The following MEGF11 variants were observed in gnomAD, a reference collection of about 807,000 sequenced individuals.
MEGF11 encodes multiple EGF like domains 11, also known as multiple epidermal growth factor-like domains protein 11.
Under a neutral mutation model 146.6 loss-of-function variants are expected in MEGF11, and 126 were observed. The observed-to-expected ratio is 0.86, with a 90% confidence interval of 0.74 to 1.00. MEGF11 has a LOEUF of 1.00. Among genes scored for constraint, MEGF11 ranks in the 50% least tolerant of loss-of-function variants. The pLI is 0.00. For missense variants in MEGF11, 1,509 were observed against 1,521.2 expected, an observed-to-expected ratio of 0.99 and a Z score of 0.13; for synonymous variants, 532 against 583.4, an observed-to-expected ratio of 0.91 and a Z score of 1.27.
intron 5 of MEGF11, among the ~76,000 whole-genome samples, chr15:66,050,024 T>C (rs1377604658): frequency 6.6e-6 from 1 of 152,208 alleles, no homozygotes; most frequent in East Asian, 1.9e-4. Context: ...ACAAATCTAG[T>C]CTCTGCTCTC....
intron 5 of MEGF11, among the ~76,000 whole-genome samples, chr15:66,081,253 C>T (rs908064879): frequency 2.0e-5 from 3 of 152,208 alleles, no homozygotes; most frequent in Non-Finnish European, 2.9e-5. Context: ...GGGAGACATC[C>T]TCCATCAGGG....
chr15:66,106,178 G>T (rs1388036121), intron 4 of MEGF11, among the ~76,000 whole-genome samples: 2 of 152,240 alleles, frequency 1.3e-5, no homozygotes, highest in African/African-American at 4.8e-5. Flanking sequence ...GGAGAAAGGA[G>T]ATGGGAAACA....
intron 1 of MEGF11, among the ~76,000 whole-genome samples, chr15:66,168,186 C>A (rs1021166168): frequency 6.6e-6 from 1 of 152,060 alleles, no homozygotes; most frequent in Non-Finnish European, 1.5e-5. Context: ...ACATTCCAGC[C>A]ACCGTGGCCT....
At chr15:66,187,282 A>G (rs938789279) in intron 1 of MEGF11, among the ~76,000 whole-genome samples, 10 of 152,242 alleles carry the variant, frequency 6.6e-5, no homozygotes, top group African/African-American at 2.4e-4. Context: ...CACTGATGCC[A>G]GCTCCTTTGT....
At chr15:66,191,755 T>C (rs1376565828) in intron 1 of MEGF11, among the ~76,000 whole-genome samples, 1 of 152,128 alleles carries the variant, frequency 6.6e-6, no homozygotes, top group Non-Finnish European at 1.5e-5. Flanking sequence ...GGGACCCCAG[T>C]GGATGCCTGG....
At chr15:65,928,353 G>A (rs1472978607) in intron 13 of MEGF11, 72 bp downstream of exon 13, 5 of 962,566 alleles carry the variant, frequency 5.2e-6, no homozygotes, top group Non-Finnish European at 7.8e-6. Context: ...AGAAGAAAAC[G>A]GTCAAGAGAA....
At chr15:66,154,710 G>C (rs1455562606) in intron 1 of MEGF11, among the ~76,000 whole-genome samples, 1 of 152,214 alleles carries the variant, frequency 6.6e-6, no homozygotes, top group African/African-American at 2.4e-5. Flanking sequence ...ACACACCTGG[G>C]TGGTAGTCAA....
intron 10 of MEGF11, 45 bp from the exon 11 acceptor site, chr15:65,930,988 T>C: frequency 6.7e-7 from 1 of 1,502,814 alleles, no homozygotes; most frequent in Non-Finnish European, 9.0e-7. Context: ...TTGCTCCATG[T>C]TGGATGGCTG....
chr15:66,191,298 T>G (rs1277643898), intron 1 of MEGF11, among the ~76,000 whole-genome samples: 1 of 152,132 alleles, frequency 6.6e-6, no homozygotes, highest in Non-Finnish European at 1.5e-5. Context: ...ATCGACACAT[T>G]CTCAAGGCCA....
rs1668407418 is a variant in MEGF11 at position 66,083,465 on chromosome 15, TA to T, written c.394+10936del. 2.0e-5 allele frequency among the ~76,000 whole-genome samples: 3 copies of T among 152,256 alleles called. No homozygotes were observed. In the South Asian group the frequency reaches 6.2e-4, roughly 32 times the overall value. On this transcript the variant is annotated intron_variant, in intron 5 of 25. Coordinates refer to ENST00000395614, the MANE Select transcript of MEGF11 (RefSeq NM_001385028.1). ...GCAAAAAAATGAAATGGAATCTTTA[TA>T]AAAAATTCACTCAAAATGGATCAAA...
At chr15:65,979,097 A>T (rs2081548905) in intron 7 of MEGF11, among the ~76,000 whole-genome samples, 1 of 152,100 alleles carries the variant, frequency 6.6e-6, no homozygotes, top group Non-Finnish European at 1.5e-5. Flanking sequence ...CTCCGTCAAG[A>T]AACCCTAGGG....
At chr15:65,946,115 C>T (rs919263498) in intron 10 of MEGF11, among the ~76,000 whole-genome samples, 12 of 152,304 alleles carry the variant, frequency 7.9e-5, no homozygotes, top group South Asian at 4.1e-4. Context: ...ATGCTTTCAG[C>T]GTTTTATTAT....
At chr15:66,160,125 T>C (rs1391172657) in intron 1 of MEGF11, among the ~76,000 whole-genome samples, 1 of 152,148 alleles carries the variant, frequency 6.6e-6, no homozygotes, top group Non-Finnish European at 1.5e-5. Context: ...GGAAAGCTCA[T>C]CCTCCTTGGG....
At chr15:66,064,100 T>C (rs1403916385) in intron 5 of MEGF11, among the ~76,000 whole-genome samples, 2 of 152,172 alleles carry the variant, frequency 1.3e-5, no homozygotes, top group Non-Finnish European at 2.9e-5. Flanking sequence ...CTGGGCGCAG[T>C]GGCTCACACC....
chr15:66,121,133 A>G (rs774163341), intron 3 of MEGF11, among the ~76,000 whole-genome samples: 4 of 152,228 alleles, frequency 2.6e-5, no homozygotes, highest in Non-Finnish European at 2.9e-5. Context: ...CTAGGAATAC[A>G]GCCTATTTTA....
At chr15:65,966,083 C>T (rs2081085484) in intron 8 of MEGF11, among the ~76,000 whole-genome samples, 1 of 152,148 alleles carries the variant, frequency 6.6e-6, no homozygotes. Context: ...GCAACCTCCG[C>T]CTCCCAGGTT....
intron 4 of MEGF11, among the ~76,000 whole-genome samples, chr15:66,114,340 C>T (rs1359961725): frequency 6.6e-6 from 1 of 152,202 alleles, no homozygotes; most frequent in East Asian, 1.9e-4. Context: ...TGGGGTGAGG[C>T]TGACAAGGAG....
chr15:66,141,273 TGTGTGTGTGTGTGTGTGAGA>T (rs71139467), intron 1 of MEGF11, among the ~76,000 whole-genome samples: 5,122 of 142,598 alleles, frequency 0.036, 206 homozygotes, highest in East Asian at 0.18. Flanking sequence ...TGTGTGTGTG[TGTGTGTGTGTGTGTGTGAGA>T]GAGAGAGAGA....
intron 5 of MEGF11, among the ~76,000 whole-genome samples, chr15:66,052,143 A>G (rs1376864833): frequency 6.6e-6 from 1 of 152,218 alleles, no homozygotes. Flanking sequence ...TGCTCCTCAA[A>G]GAGAGGCATT....
Sources: allele counts gnomAD v4.1 joint callset (sites outside exome capture counted in the v4.1 genomes callset), GRCh38; gene constraint gnomAD v4.1.1; transcripts MANE v1.5; gene names NCBI Gene and HGNC (gene_info 2026-07-23, HGNC 2026-07-21).